BDH1: variants seen among roughly 807,000 people sequenced by gnomAD.
The protein encoded by BDH1 is D-beta-hydroxybutyrate dehydrogenase, mitochondrial.
Under a neutral mutation model 33.1 loss-of-function variants are expected in BDH1, and 30 were observed. That is an observed-to-expected ratio of 0.91 (90% CI 0.68 to 1.23). The LOEUF (loss-of-function observed/expected upper bound fraction) is 1.23. Ranked by LOEUF, BDH1 falls within the 50% of genes most tolerant of loss-of-function variation. The pLI, the probability that BDH1 is intolerant of heterozygous loss-of-function variation, is 0.00. For synonymous variants in BDH1, 190 were observed against 183.6 expected, an observed-to-expected ratio of 1.03 and a Z score of -0.28; for missense variants, 443 against 464.4, an observed-to-expected ratio of 0.95 and a Z score of 0.42.
chr3:197,571,087 A>T (rs1717591013), intron 1 of BDH1, among the ~76,000 whole-genome samples: 1 of 152,218 alleles, frequency 6.6e-6, no homozygotes, highest in Non-Finnish European at 1.5e-5. Context: ...AGGAGCTTTA[A>T]GATTTGGCTG....
chr3:197,532,361 A>G (rs2108741888), intron 5 of BDH1, 51 bp downstream of exon 5: 3 of 1,525,874 alleles, frequency 2.0e-6, no homozygotes, highest in Non-Finnish European at 2.7e-6. Context: ...AGACTAAAAA[A>G]CAATGACTAT....
chr3:197,537,975 G>A (rs548248135), intron 3 of BDH1, among the ~76,000 whole-genome samples: 20 of 152,148 alleles, frequency 1.3e-4, no homozygotes, highest in Admixed American at 1.2e-3. Context: ...TCCAAGTCTG[G>A]GACATAAGAA....
At chr3:197,533,839 G>T in intron 3 of BDH1, 1 of 451,112 alleles carries the variant, frequency 2.2e-6, no homozygotes, top group Non-Finnish European at 3.9e-6. Flanking sequence ...CTAAACCCTG[G>T]CCATCCAGTG....
At chr3:197,566,201 T>C (rs972322008) in intron 1 of BDH1, among the ~76,000 whole-genome samples, 2 of 152,252 alleles carry the variant, frequency 1.3e-5, no homozygotes. Flanking sequence ...TCTGTTTTCA[T>C]TTGTAACAGG....
In BDH1 at chr3:197,523,997, A is replaced by C. The variant is rs568337791; in HGVS notation, c.268-1216T>G. Among the ~76,000 whole-genome samples the C allele has an allele frequency of 1.1e-4, 17 of 152,250 alleles. No homozygotes were observed. In the South Asian group the frequency reaches 3.5e-3, roughly 32 times the overall value. On this transcript the variant is annotated intron_variant, in intron 5 of 7. Coordinates refer to ENST00000392379, the MANE Select transcript of BDH1 (RefSeq NM_203314.3). This position sits in a 1 kb window ranked among gnomAD's most constrained non-coding sequence, Gnocchi z 4.5. ...TCCTCTAAGTAGACAGCATTTCCCG[A>C]GTGTCCACTGTCCTGAGCACTGTGC...
chr3:197,512,463 C>A, intron 7 of BDH1, 99 bp from the exon 8 acceptor site: 1 of 1,296,238 alleles, frequency 7.7e-7, no homozygotes, highest in Non-Finnish European at 1.0e-6. Context: ...GGAACCACTT[C>A]TGAGCCACCC....
chr3:197,533,166 C>A (rs187071354), intron 4 of BDH1, among the ~76,000 whole-genome samples: 1 of 152,186 alleles, frequency 6.6e-6, no homozygotes, highest in Admixed American at 6.5e-5. Flanking sequence ...CGGGAGCCAC[C>A]GCCCTGGGCC....
At chr3:197,553,738 C>T (rs757837044) in intron 2 of BDH1, among the ~76,000 whole-genome samples, 2 of 152,140 alleles carry the variant, frequency 1.3e-5, no homozygotes, top group African/African-American at 4.8e-5. Flanking sequence ...GATGTGAAAA[C>T]GTGTTCCTTA....
In BDH1 at chr3:197,555,932, C is replaced by T. The variant is rs1406094166; in HGVS notation, c.-347G>A. 1 of 152,292 alleles carries T rather than the reference C, an allele frequency of 6.6e-6. No individual in the cohort carries two copies. The highest frequency in any genetic ancestry group is 6.5e-5 in the Admixed American group (1 of 15,286). The allele number at this position is 152,292 out of a possible 1,614,324, so 9.4% of individuals were successfully genotyped here. A position where few individuals can be genotyped will look rare whatever the true frequency, so the allele number is the denominator to read the frequency against. On this transcript the variant is annotated 5_prime_UTR_variant, in exon 1 of 8. Transcript: ENST00000392379. The stretch of plus-strand genomic sequence containing the variant: ...TCTGGAAGCCCCTCCACCAGCACTC[C>T]TGCGGCCTGCGGCCTCCGCCACCCG...
At position 197,512,353 on chromosome 3, in the gene BDH1, T is replaced by A; in HGVS notation, c.574A>T (p.Asn192Tyr). ...LIRRAKGRVVNISSMLGRMAN... is the reference protein window; with the variant it reads ...LIRRAKGRVVYISSMLGRMAN... ...ATGCGGCCCAGCATGCTGCTGATATTGACGACGCGGCCTACAGAGGGAGAC... is the reference window on the plus strand; with the variant it reads ...ATGCGGCCCAGCATGCTGCTGATATAGACGACGCGGCCTACAGAGGGAGAC... The change falls in exon 8 of 8, where the codon AAT (asparagine) becomes TAT (tyrosine). Residue 192 changes from asparagine (N) to tyrosine (Y), a missense_variant. Transcript: ENST00000392379. 2 of 1,605,242 alleles carry A rather than the reference T, an allele frequency of 1.2e-6. No individual in the cohort carries two copies. The highest frequency in any genetic ancestry group is 1.7e-4 in the Middle Eastern group (1 of 6,054).
At chr3:197,515,575 C>T (rs1334123742) in intron 6 of BDH1, 7 of 985,490 alleles carry the variant, frequency 7.1e-6, no homozygotes, top group African/African-American at 7.0e-5. Context: ...AGCTTTTCCA[C>T]TGCCCATGAC....
Position 197,528,894 on chromosome 3 carries a change from C to G in BDH1, c.267+3518G>C, listed in dbSNP as rs1472903886. The G allele has an allele frequency of 6.6e-6, 1 of 152,288 alleles. No homozygotes were observed. Among genetic ancestry groups the G allele is most frequent in the African/African-American group, 2.4e-5 (1 of 41,472 alleles). The allele number at this position is 152,288 out of a possible 1,614,324, so 9.4% of individuals were successfully genotyped here. A position where few individuals can be genotyped will look rare whatever the true frequency, so the allele number is the denominator to read the frequency against. On this transcript the variant is annotated intron_variant, in intron 5 of 7. Coordinates refer to ENST00000392379, the MANE Select transcript of BDH1 (RefSeq NM_203314.3). This position sits in a 1 kb window ranked among gnomAD's most constrained non-coding sequence, Gnocchi z 5.1. Reference sequence around the variant, plus strand: ...CCTTTTGAAGAGTCTTCTGCAGCATCGAGCAGCCTCTGCCCTGTGCTGTGG... The same window carrying G: ...CCTTTTGAAGAGTCTTCTGCAGCATGGAGCAGCCTCTGCCCTGTGCTGTGG...
intron 1 of BDH1, among the ~76,000 whole-genome samples, chr3:197,568,852 A>G (rs1308256662): frequency 6.6e-6 from 1 of 152,142 alleles, no homozygotes; most frequent in African/African-American, 2.4e-5. Flanking sequence ...TTGAGTCCTT[A>G]TAATATCTCA....
At chr3:197,552,688 T>C (rs1055304590) in intron 2 of BDH1, among the ~76,000 whole-genome samples, 1 of 152,152 alleles carries the variant, frequency 6.6e-6, no homozygotes, top group East Asian at 1.9e-4. Context: ...GGCCACCCCA[T>C]CTATCCCACC....
intron 5 of BDH1, among the ~76,000 whole-genome samples, chr3:197,527,768 G>C (rs1244663285): frequency 6.7e-6 from 1 of 150,054 alleles, no homozygotes; most frequent in Non-Finnish European, 1.5e-5. Context: ...GCACCTCCTT[G>C]GTTTCTGTGA....
Position 197,521,058 on chromosome 3 carries a change from G to A in BDH1, c.409+1582C>T, listed in dbSNP as rs1347701308. On this transcript the variant is annotated intron_variant, in intron 6 of 7. Transcript: ENST00000392379. The surrounding 1 kb of genome is among the most constrained non-coding windows in gnomAD (Gnocchi z 4.9). ...CATCCATCTGGCTGATACAGGCTCA[G>A]CAGAGCTCCCCGCATGGGATCTGGT... Among the ~76,000 whole-genome samples the A allele has an allele frequency of 6.6e-6, 1 of 152,138 alleles. No homozygotes were observed. Among genetic ancestry groups the A allele is most frequent in the Non-Finnish European group, 1.5e-5 (1 of 68,014 alleles).
chr3:197,552,834 G>A (rs1716679769), intron 2 of BDH1, among the ~76,000 whole-genome samples: 1 of 151,866 alleles, frequency 6.6e-6, no homozygotes, highest in African/African-American at 2.4e-5. Flanking sequence ...TAAGCTCTTT[G>A]AGAACAGGAA....
intron 5 of BDH1, among the ~76,000 whole-genome samples, chr3:197,524,523 G>C (rs34255245): frequency 2.4e-3 from 364 of 152,334 alleles, no homozygotes; most frequent in African/African-American, 8.2e-3. Flanking sequence ...GGGGCCGGAG[G>C]TGCTGGACGT....
At chr3:197,550,164 C>T (rs1579990655) in intron 2 of BDH1, among the ~76,000 whole-genome samples, 1 of 152,034 alleles carries the variant, frequency 6.6e-6, no homozygotes, top group East Asian at 1.9e-4. Context: ...AAACAAAAGT[C>T]AGAAATAATT....
Sources: allele counts gnomAD v4.1 joint callset (sites outside exome capture counted in the v4.1 genomes callset), GRCh38; gene constraint gnomAD v4.1.1; non-coding constraint Gnocchi (gnomAD v3.1); transcripts MANE v1.5; gene names NCBI Gene and HGNC (gene_info 2026-07-23, HGNC 2026-07-21).